The following INTS6L variants were observed in gnomAD, a reference collection of about 807,000 sequenced individuals.
INTS6L encodes integrator complex subunit 6-like.
Under a neutral mutation model 64.7 loss-of-function variants are expected in INTS6L, and 18 were observed. That is an observed-to-expected ratio of 0.28 (90% CI 0.19 to 0.41). INTS6L has a LOEUF of 0.41. Among genes scored for constraint, INTS6L ranks in the 10% least tolerant of loss-of-function variants. The pLI, the probability that INTS6L is intolerant of heterozygous loss-of-function variation, is 1.00. For synonymous variants in INTS6L, 227 were observed against 235.9 expected (o/e 0.96, Z 0.34); for missense variants, 533 against 661.0 (o/e 0.81, Z 2.12).
At chrX:135,552,564 C>G (rs2086532964) in intron 8 of INTS6L, among the ~76,000 whole-genome samples, 1 of 111,963 alleles carries the variant, frequency 8.9e-6, no homozygotes, top group Non-Finnish European at 1.9e-5. Flanking sequence ...AGTCCTGAAA[C>G]TAATTTCTGT....
chrX:135,549,833 C>T, intron 7 of INTS6L, 28 bp downstream of exon 7: 1 of 1,199,992 alleles, frequency 8.3e-7, no homozygotes, highest in Non-Finnish European at 1.1e-6. Flanking sequence ...AAAAGGTAAA[C>T]ATCATTCTGG....
chrX:135,570,507 T>C lies in INTS6L; in HGVS notation c.1359T>C (p.Ser453=). The change falls in exon 11 of 18, where the codon AGT becomes AGC. Residue 453 remains serine (S), a synonymous_variant. Coordinates refer to ENST00000639893, the MANE Select transcript of INTS6L (RefSeq NM_001351601.3). The part of the protein sequence containing the change: ...LISDNLDCGL[S]YSVISYLKKL... ...CAGATAATTTAGATTGTGGACTTAGTTACAGTGTTATCTCTTACCTTAAAA... is the reference window on the plus strand; with the variant it reads ...CAGATAATTTAGATTGTGGACTTAGCTACAGTGTTATCTCTTACCTTAAAA... 1 of 1,154,011 alleles carries C rather than the reference T, an allele frequency of 8.7e-7. No homozygotes were observed. Among genetic ancestry groups the C allele is most frequent in the Non-Finnish European group, 1.1e-6 (1 of 871,222 alleles).
At position 135,541,445 on chromosome X, in the gene INTS6L, T is replaced by A. The variant is rs371758094; in HGVS notation, c.190-3978T>A. On this transcript the variant is annotated intron_variant, in intron 2 of 17. Transcript: ENST00000639893. ...AGATTTTGGCATTTTTTGTTCTGCA[T>A]CCTCAAAATGCCAAATGCATTCTAT... Among the ~76,000 whole-genome samples, 11 of 112,353 alleles carry A rather than the reference T, an allele frequency of 9.8e-5. No homozygotes were observed. The East Asian group carries it at 2.8e-3, about 28-fold the overall frequency.
Position 135,575,174 on chromosome X carries a change from A to C in INTS6L, c.1832A>C (p.Asp611Ala), listed in dbSNP as rs113266215. The C allele has an allele frequency of 8.3e-7, 1 of 1,210,291 alleles. No homozygotes were observed. Among genetic ancestry groups the C allele is most frequent in the Non-Finnish European group, 1.1e-6 (1 of 895,325 alleles). ...TCTCCACTGCGAGAGATTGATCCAGACCAACCCAAAAGACTGCATACTTTT... is the reference window on the plus strand; with the variant it reads ...TCTCCACTGCGAGAGATTGATCCAGCCCAACCCAAAAGACTGCATACTTTT... ...LASPLREIDP[D>A]QPKRLHTFGN... Residue 611 changes from aspartate to alanine, a missense_variant, in exon 14 of 18, where the codon GAC (aspartate) becomes GCC (alanine). Coordinates refer to ENST00000639893, the MANE Select transcript of INTS6L (RefSeq NM_001351601.3).
chrX:135,580,177 A>G lies in INTS6L; in HGVS notation c.2494+15A>G. On this transcript the variant is annotated intron_variant, in intron 16 of 17. Transcript: ENST00000639893. ...GTTTGGTCGAAGTAAGTAGTGAAAG[A>G]ACATCTATCAATAATGCACCAGGAG... 1 of 1,163,987 alleles carries G rather than the reference A, an allele frequency of 8.6e-7. No homozygotes were observed. The highest frequency in any genetic ancestry group is 1.1e-6 in the Non-Finnish European group (1 of 871,526).
intron 2 of INTS6L, among the ~76,000 whole-genome samples, chrX:135,540,174 G>A (rs1221889593): frequency 9.0e-6 from 1 of 111,586 alleles, no homozygotes; most frequent in Non-Finnish European, 1.9e-5. Context: ...GTGGAAGAGT[G>A]GTTTAAATTG....
intron 2 of INTS6L, among the ~76,000 whole-genome samples, chrX:135,535,934 T>A (rs1556508525): frequency 8.9e-6 from 1 of 112,326 alleles, no homozygotes; most frequent in East Asian, 2.8e-4. Flanking sequence ...ATAAAAAGTC[T>A]TGTCAAGGAG....
intron 9 of INTS6L, among the ~76,000 whole-genome samples, chrX:135,563,619 ATGTGTG>A (rs1186644920): frequency 7.3e-4 from 9 of 12,269 alleles, no homozygotes; most frequent in African/African-American, 1.4e-3. Context: ...ATATATCCAT[ATGTGTG>A]TGTGTGTGTA....
At chrX:135,553,554 G>C (rs2086562245) in intron 8 of INTS6L, among the ~76,000 whole-genome samples, 1 of 105,136 alleles carries the variant, frequency 9.5e-6, no homozygotes, top group African/African-American at 3.5e-5. Flanking sequence ...AAACTCCTGG[G>C]CTCAAGCAAT....
At chrX:135,522,391 G>A (rs906746551) in intron 2 of INTS6L, among the ~76,000 whole-genome samples, 2 of 111,945 alleles carry the variant, frequency 1.8e-5, no homozygotes, top group African/African-American at 6.5e-5. Flanking sequence ...TAGGGAGGAC[G>A]GTCTCTGTGG....
rs200261784 is a variant in INTS6L at position 135,533,100 on chromosome X, CA to C, written c.189+11789del. Among the ~76,000 whole-genome samples, 415 of 107,014 alleles carry C rather than the reference CA, an allele frequency of 3.9e-3. 10 individuals carry two copies. In the East Asian group the frequency reaches 0.093, roughly 24 times the overall value. The allele number at this position is 107,014 out of a possible 115,157, so 92.9% of individuals were successfully genotyped here. A position where few individuals can be genotyped will look rare whatever the true frequency, so the allele number is the denominator to read the frequency against. ...TCAAAAACAAAAACAAAAACAAAAA[CA>C]AAAAAACAACTTTTAAATTTTAGAA... On this transcript the variant is annotated intron_variant, in intron 2 of 17. Coordinates refer to ENST00000639893, the MANE Select transcript of INTS6L (RefSeq NM_001351601.3).
chrX:135,521,981 C>CTA (rs2148545739), intron 2 of INTS6L, among the ~76,000 whole-genome samples: 1 of 111,020 alleles, frequency 9.0e-6, no homozygotes, highest in Non-Finnish European at 1.9e-5. Context: ...CCTTCAAAGA[C>CTA]TAGACAACCG....
At chrX:135,534,610 C>T (rs2085999821) in intron 2 of INTS6L, among the ~76,000 whole-genome samples, 1 of 108,712 alleles carries the variant, frequency 9.2e-6, no homozygotes, top group African/African-American at 3.4e-5. Flanking sequence ...TCGGCAAGTT[C>T]AAGACACTAA....
At chrX:135,580,290 C>A in intron 16 of INTS6L, 128 bp downstream of exon 16, 1 of 785,635 alleles carries the variant, frequency 1.3e-6, no homozygotes, top group Non-Finnish European at 1.7e-6. Context: ...TAGTTTAAGG[C>A]AGTTCCTCTT....
rs1044325743 is a variant in INTS6L at position 135,546,382 on chromosome X, G to C, written c.342G>C (p.Gly114=). 5 of 1,132,259 alleles carry C rather than the reference G, an allele frequency of 4.4e-6. No individual in the cohort carries two copies. The African/African-American group carries it at 9.3e-5, about 21-fold the overall frequency. 93.3% of individuals were successfully genotyped at this position (1,132,259 alleles called of 1,213,427 possible). ...AATGCTTTTTAAATGTATTTTAGGGGAGAAATCCATTTTTTTTAGAACCAT... is the reference window on the plus strand; with the variant it reads ...AATGCTTTTTAAATGTATTTTAGGGCAGAAATCCATTTTTTTTAGAACCAT... ...LISGIDNYGQ[G]RNPFFLEPSI... The change falls in exon 4 of 18, where the codon GGG becomes GGC. Residue 114 remains glycine, a splice_region_variant and synonymous_variant. Coordinates refer to ENST00000639893, the MANE Select transcript of INTS6L (RefSeq NM_001351601.3).
Position 135,528,429 on chromosome X carries a change from G to T in INTS6L, c.189+7111G>T, listed in dbSNP as rs1264183273. 4.5e-5 allele frequency among the ~76,000 whole-genome samples: 5 copies of T among 111,528 alleles called. No individual in the cohort carries two copies. The East Asian group carries it at 1.4e-3, about 31-fold the overall frequency. ...CTGGGTGTGGACTTTGGTTCCATGA[G>T]GGGTGGGGACACTGTAAAGGCTCCG... is the stretch of plus-strand genomic sequence containing the variant. On this transcript the variant is annotated intron_variant, in intron 2 of 17. Coordinates refer to ENST00000639893, the MANE Select transcript of INTS6L (RefSeq NM_001351601.3).
intron 7 of INTS6L, among the ~76,000 whole-genome samples, chrX:135,550,617 T>C (rs564834370): frequency 9.0e-6 from 1 of 111,652 alleles, no homozygotes; most frequent in South Asian, 3.7e-4. Flanking sequence ...CCTAGTTCAG[T>C]TCATCTATAT....
chrX:135,569,382 G>A lies in INTS6L; in HGVS notation c.1238G>A (p.Arg413Gln), dbSNP rs782450972. The A allele has an allele frequency of 3.4e-6, 4 of 1,191,128 alleles. No homozygotes were observed. The highest frequency in any genetic ancestry group is 1.9e-5 in the South Asian group (1 of 52,872). The change falls in exon 10 of 18, where the codon CGA becomes CAA. Residue 413 changes from arginine to glutamine, a missense_variant. By Grantham distance (43) the Arg-to-Gln change is conservative (BLOSUM62 1). Transcript: ENST00000639893. ...AAGCTTAAGCCAAATCTGAAGTGGC[G>A]ACAGGCTTTTGACAGCTACTTAAAA... ...VHKLKPNLKW[R>Q]QAFDSYLKTL...
intron 2 of INTS6L, among the ~76,000 whole-genome samples, chrX:135,542,447 G>A (rs1463336772): frequency 9.1e-6 from 1 of 109,464 alleles, no homozygotes; most frequent in East Asian, 2.9e-4. Flanking sequence ...GCAGTGAGCC[G>A]AGATCGTGCC....
Sources: gnomAD v4.1 joint callset for allele counts (sites outside exome capture counted in the v4.1 genomes callset) on GRCh38, gnomAD v4.1.1 for gene constraint, MANE v1.5 for transcripts, NCBI Gene and HGNC (gene_info 2026-07-23, HGNC 2026-07-21) for gene names.